The following IBTK variants were observed in gnomAD, a reference collection of about 807,000 sequenced individuals.
The protein encoded by IBTK is inhibitor of Bruton tyrosine kinase.
IBTK carries 83 observed loss-of-function variants against 154.9 expected under a neutral mutation model. The ratio of observed to expected loss-of-function variants is 0.54; its 90% CI spans 0.45 to 0.64. The LOEUF (loss-of-function observed/expected upper bound fraction) is 0.64, where lower values mean the gene tolerates loss of function less well. IBTK is among the 30% of genes least tolerant of loss of function. The probability of loss-of-function intolerance (pLI) is 0.00; values close to 1 mark genes in which losing one functional copy is unlikely to be tolerated. For synonymous variants in IBTK, 515 were observed against 536.1 expected, an observed-to-expected ratio of 0.96 and a Z score of 0.54; for missense variants, 1,332 against 1,584.6, an observed-to-expected ratio of 0.84 and a Z score of 2.71.
chr6:82,204,896 G>A lies in IBTK; in HGVS notation c.2572C>T (p.Arg858Trp). ...LVVADQLLIT[R>W]LKEICEVALT... ...GCTACTTCACAAATCTCTTTCAACC[G>A]GGTTATGAGAAGTTGATCAGCCACC... The change falls in exon 17 of 29, where the codon CGG becomes TGG. Residue 858 changes from arginine (R) to tryptophan (W), a missense_variant. By Grantham distance (101) the Arg-to-Trp change is moderately radical (BLOSUM62 -3). Transcript: ENST00000306270. The A allele has an allele frequency of 2.5e-6, 4 of 1,606,400 alleles. No individual in the cohort carries two copies. The highest frequency in any genetic ancestry group is 3.4e-6 in the Non-Finnish European group (4 of 1,176,108).
chr6:82,246,297 C>T (rs569538503), intron 1 of IBTK, among the ~76,000 whole-genome samples: 1 of 152,102 alleles, frequency 6.6e-6, no homozygotes. Flanking sequence ...TCCCGAGTAG[C>T]TGGGATTACA....
chr6:82,241,148 C>T lies in IBTK; in HGVS notation c.-357-305G>A, dbSNP rs113830732. Among the ~76,000 whole-genome samples, 825 of 152,202 alleles carry T rather than the reference C, an allele frequency of 5.4e-3. 9 individuals carry two copies. The highest frequency in any genetic ancestry group is 0.019 in the African/African-American group (790 of 41,548). On this transcript the variant is annotated intron_variant, in intron 1 of 28. Transcript: ENST00000306270. ...TATATTTTTATCAGTCATCCTTACTCCATTTTTCCACTCTCATGTTTAAAG... is the reference window on the plus strand; with the variant it reads ...TATATTTTTATCAGTCATCCTTACTTCATTTTTCCACTCTCATGTTTAAAG...
intron 23 of IBTK, among the ~76,000 whole-genome samples, chr6:82,193,959 G>A (rs1768884129): frequency 6.6e-6 from 1 of 152,114 alleles, no homozygotes; most frequent in Admixed American, 6.5e-5. Context: ...TAGGATTACA[G>A]GCATGAGCCA....
In IBTK at chr6:82,181,015, A is replaced by G. The variant is rs146788690; in HGVS notation, c.3725+864T>C. On this transcript the variant is annotated intron_variant, in intron 26 of 28. Transcript: ENST00000306270. ...TCACTGAAAATACTGCTTTTAAATT[A>G]TAGATAGATTTTGATGTTTCATGTA... Among the ~76,000 whole-genome samples the G allele has an allele frequency of 2.7e-3, 418 of 152,344 alleles. 3 individuals carry two copies. The highest frequency in any genetic ancestry group is 9.8e-3 in the African/African-American group (406 of 41,588).
intron 26 of IBTK, among the ~76,000 whole-genome samples, chr6:82,180,304 G>A (rs1262900534): frequency 6.6e-6 from 1 of 152,064 alleles, no homozygotes; most frequent in South Asian, 2.1e-4. Context: ...GGAGTGCAGT[G>A]GCACAATCAT....
Position 82,240,332 on chromosome 6 carries a change from C to A in IBTK, c.155G>T (p.Gly52Val). The A allele has an allele frequency of 1.9e-6, 3 of 1,614,170 alleles. No homozygotes were observed. The highest frequency in any genetic ancestry group is 1.1e-5 in the South Asian group (1 of 91,086). ...YNAATIKDVF[G>V]RNALHLVSSC... ...GGAAACAAGGTGGAGGGCATTCCTGCCAAAAACATCCTTGATAGTTGCAGC... is the reference window on the plus strand; with the variant it reads ...GGAAACAAGGTGGAGGGCATTCCTGACAAAAACATCCTTGATAGTTGCAGC... The change falls in exon 2 of 29, where the codon GGC becomes GTC. Residue 52 changes from glycine to valine, a missense_variant. Around this residue, in one of 3 missense-constraint regions of IBTK, gnomAD observed 84 missense variants for 96.2 expected, o/e 0.87. Coordinates refer to ENST00000306270, the MANE Select transcript of IBTK (RefSeq NM_015525.4).
At chr6:82,178,304 A>C (rs925388639) in intron 26 of IBTK, among the ~76,000 whole-genome samples, 5 of 152,250 alleles carry the variant, frequency 3.3e-5, no homozygotes, top group African/African-American at 1.2e-4. Flanking sequence ...CTAGTGATCA[A>C]CTATGAAACC....
In IBTK at chr6:82,240,315, G is replaced by A. The variant is rs1770890965; in HGVS notation, c.172C>T (p.Leu58Phe). The stretch of plus-strand genomic sequence containing the variant: ...CCTTTCTTTCCACAGGAGGAAACAA[G>A]GTGGAGGGCATTCCTGCCAAAAACA... ...KDVFGRNALHLVSSCGKKGVL... is the reference protein window; with the variant it reads ...KDVFGRNALHFVSSCGKKGVL... The change falls in exon 2 of 29, where the codon CTT becomes TTT. Residue 58 changes from leucine to phenylalanine, a missense_variant. Physicochemically the swap from Leu to Phe is conservative, Grantham distance 22 (BLOSUM62 0). Around this residue, in one of 3 missense-constraint regions of IBTK, gnomAD observed 84 missense variants for 96.2 expected, o/e 0.87. Transcript: ENST00000306270. 6.2e-7 allele frequency: 1 copy of A among 1,614,184 alleles called. No individual in the cohort carries two copies. Among genetic ancestry groups the A allele is most frequent in the Non-Finnish European group, 8.5e-7 (1 of 1,180,034 alleles).
intron 2 of IBTK, among the ~76,000 whole-genome samples, chr6:82,237,450 GA>G (rs901523943): frequency 1.9e-4 from 28 of 150,176 alleles, no homozygotes; most frequent in Admixed American, 6.0e-4. Flanking sequence ...CCCTGGGGGG[GA>G]AAAAAAAAGG....
chr6:82,204,199 G>A (rs1769314990), intron 17 of IBTK, among the ~76,000 whole-genome samples: 1 of 152,070 alleles, frequency 6.6e-6, no homozygotes, highest in Non-Finnish European at 1.5e-5. Context: ...CTACCCAGAA[G>A]GAACAGATAA....
intron 11 of IBTK, among the ~76,000 whole-genome samples, chr6:82,215,797 A>AG (rs1296009690): frequency 5.9e-5 from 9 of 151,638 alleles, no homozygotes; most frequent in Admixed American, 1.3e-4. Context: ...AAAAAAAAAA[A>AG]AAAGAAAGAC....
intron 22 of IBTK, among the ~76,000 whole-genome samples, chr6:82,196,039 TTATTA>T (rs1768973582): frequency 6.6e-6 from 1 of 152,218 alleles, no homozygotes; most frequent in Non-Finnish European, 1.5e-5. Flanking sequence ...GTCTATAGTG[TTATTA>T]TATTTTACAT....
intron 23 of IBTK, among the ~76,000 whole-genome samples, chr6:82,193,815 C>T (rs924717373): frequency 2.0e-4 from 30 of 151,740 alleles, no homozygotes; most frequent in African/African-American, 7.3e-4. Flanking sequence ...CCAAGTAGCT[C>T]GGATTACAAG....
intron 21 of IBTK, among the ~76,000 whole-genome samples, chr6:82,197,782 A>T (rs564005120): frequency 6.6e-6 from 1 of 152,338 alleles, no homozygotes; most frequent in African/African-American, 2.4e-5. Flanking sequence ...GAGGACAATT[A>T]ATGTGGCCAA....
intron 26 of IBTK, among the ~76,000 whole-genome samples, chr6:82,180,690 A>G (rs955112617): frequency 6.6e-6 from 1 of 152,222 alleles, no homozygotes; most frequent in Non-Finnish European, 1.5e-5. Flanking sequence ...AAATCTAAGT[A>G]TCTGTAAAAA....
At chr6:82,177,301 C>A (rs965823269) in intron 26 of IBTK, among the ~76,000 whole-genome samples, 3 of 152,180 alleles carry the variant, frequency 2.0e-5, no homozygotes, top group African/African-American at 7.2e-5. Context: ...CTTCCACCTC[C>A]TGGGTTCAAG....
chr6:82,200,284 GT>G, intron 20 of IBTK, 31 bp from the exon 21 acceptor site: 2 of 1,437,472 alleles, frequency 1.4e-6, no homozygotes, highest in Non-Finnish European at 2.0e-6. Flanking sequence ...TTTCAGCAGT[GT>G]TTAGGGAGGT....
intron 4 of IBTK, among the ~76,000 whole-genome samples, chr6:82,228,459 T>C (rs774477964): frequency 6.6e-6 from 1 of 152,186 alleles, no homozygotes; most frequent in Admixed American, 6.5e-5. Flanking sequence ...GTATTTTAAA[T>C]TTACAAGTTG....
chr6:82,224,258 G>A (rs1457732314), intron 6 of IBTK, 73 bp from the exon 7 acceptor site: 2 of 1,064,420 alleles, frequency 1.9e-6, no homozygotes, highest in African/African-American at 3.1e-5. Context: ...AGATCCAGCA[G>A]ACCAGCAAAT....
Sources: gnomAD v4.1 joint callset for allele counts (sites outside exome capture counted in the v4.1 genomes callset) on GRCh38, gnomAD v4.1.1 for gene constraint, gnomAD v4.1.1 regional missense constraint, MANE v1.5 for transcripts, NCBI Gene and HGNC (gene_info 2026-07-23, HGNC 2026-07-21) for gene names.